Variants in KLF12 observed in about 807,000 individuals in gnomAD.
KLF12 encodes KLF transcription factor 12.
In KLF12, 9 loss-of-function variants were observed where a neutral mutation model predicts 37.8. That is an observed-to-expected ratio of 0.24 (90% CI 0.14 to 0.42). KLF12 has a LOEUF of 0.42. Among genes scored for constraint, KLF12 ranks in the 10% least tolerant of loss-of-function variants. The pLI is 1.00. For synonymous variants in KLF12, 208 were observed against 202.1 expected, an observed-to-expected ratio of 1.03 and a Z score of -0.25; for missense variants, 411 against 516.0, an observed-to-expected ratio of 0.80 and a Z score of 1.97.
At chr13:73,705,521 C>G (rs1033816856) in intron 7 of KLF12, among the ~76,000 whole-genome samples, 1 of 152,210 alleles carries the variant, frequency 6.6e-6, no homozygotes, top group African/African-American at 2.4e-5. Context: ...GATCCTCCCA[C>G]GTCAGCCTCC....
At chr13:73,716,388 T>G (rs935143196) in intron 6 of KLF12, among the ~76,000 whole-genome samples, 2 of 152,212 alleles carry the variant, frequency 1.3e-5, no homozygotes, top group Non-Finnish European at 2.9e-5. Context: ...AAAAAAGCAG[T>G]CACTCATATT....
At chr13:74,138,587 GT>G (rs1407978198), upstream of KLF12, among the ~76,000 whole-genome samples, 11 of 152,292 alleles carry the variant, frequency 7.2e-5, no homozygotes, top group East Asian at 1.9e-3. Context: ...TCGTAACTTT[GT>G]TTTATTGCAA....
At chr13:73,867,615 A>AC (rs986491455) in intron 3 of KLF12, among the ~76,000 whole-genome samples, 2 of 151,522 alleles carry the variant, frequency 1.3e-5, no homozygotes, top group African/African-American at 4.9e-5. Flanking sequence ...GGGGAAAAAA[A>AC]AATTAACAAA....
chr13:73,792,042 T>C (rs1211242892), intron 5 of KLF12, among the ~76,000 whole-genome samples: 2 of 152,224 alleles, frequency 1.3e-5, no homozygotes, highest in Non-Finnish European at 2.9e-5. Flanking sequence ...CATAGTCATA[T>C]AGACACAGGC....
chr13:74,098,919 G>A (rs115703479), intron 1 of KLF12, among the ~76,000 whole-genome samples: 95 of 152,266 alleles, frequency 6.2e-4, no homozygotes, highest in Admixed American at 3.0e-3. Flanking sequence ...TCCCACGCTA[G>A]TATGTTACAT....
intron 4 of KLF12, among the ~76,000 whole-genome samples, chr13:73,815,969 T>C (rs917198766): frequency 6.6e-6 from 1 of 152,238 alleles, no homozygotes; most frequent in Non-Finnish European, 1.5e-5. Flanking sequence ...ATCTTTTTGA[T>C]GTACTTTTCA....
intron 4 of KLF12, among the ~76,000 whole-genome samples, chr13:73,823,232 T>C (rs1444609532): frequency 6.6e-6 from 1 of 151,446 alleles, no homozygotes; most frequent in Non-Finnish European, 1.5e-5. Context: ...TATCACCAAA[T>C]CACAGCCCTA....
At chr13:74,212,374 T>C in the KLF12 span, among the ~76,000 whole-genome samples, 1 of 152,182 alleles carries the variant, frequency 6.6e-6, no homozygotes, top group Non-Finnish European at 1.5e-5. Flanking sequence ...AGCTCTTGAT[T>C]ATGCTGGACA....
intron 3 of KLF12, among the ~76,000 whole-genome samples, chr13:73,942,589 C>T (rs1386276390): frequency 6.6e-6 from 1 of 152,082 alleles, no homozygotes; most frequent in African/African-American, 2.4e-5. Context: ...CTAGAAAATC[C>T]AGTTGAACAC....
At chr13:73,813,309 A>G in intron 4 of KLF12, 22 bp from the exon 5 acceptor site, 1 of 1,612,992 alleles carries the variant, frequency 6.2e-7, no homozygotes, top group Non-Finnish European at 8.5e-7. Context: ...AGGCATATAT[A>G]ATGAATTAAA....
chr13:74,017,201 C>G (rs910186435), intron 1 of KLF12, among the ~76,000 whole-genome samples: 4 of 126,230 alleles, frequency 3.2e-5, no homozygotes, highest in African/African-American at 9.0e-5. Context: ...CTTGAGTGAA[C>G]TACACTTTAG....
At chr13:74,059,761 G>T (rs1466011564) in intron 1 of KLF12, among the ~76,000 whole-genome samples, 1 of 152,110 alleles carries the variant, frequency 6.6e-6, no homozygotes, top group African/African-American at 2.4e-5. Context: ...TTCTTTTGCT[G>T]TGCAGAGGCT....
Position 73,693,739 on chromosome 13 carries a change from T to C in KLF12, c.*1751A>G, listed in dbSNP as rs1255951625. The C allele has an allele frequency of 1.3e-5, 2 of 152,620 alleles. No homozygotes were observed. Among genetic ancestry groups the C allele is most frequent in the Non-Finnish European group, 2.9e-5 (2 of 68,038 alleles). The allele number at this position is 152,620 out of a possible 1,614,324, so 9.5% of individuals were successfully genotyped here. On this transcript the variant is annotated 3_prime_UTR_variant, in exon 8 of 8. Coordinates refer to ENST00000377669, the MANE Select transcript of KLF12 (RefSeq NM_007249.5). ...AAATCAAGTGTTTGTAATTAAAATA[T>C]ATTGCAAAGGTCTTTGTTGGAGACC...
chr13:74,156,578 T>G, the KLF12 span, among the ~76,000 whole-genome samples: 100 of 152,250 alleles, frequency 6.6e-4, no homozygotes, highest in East Asian at 0.017. Context: ...TTCTTTCTAT[T>G]TCTTTTTTGA....
chr13:73,917,824 C>G (rs964879491), intron 3 of KLF12, among the ~76,000 whole-genome samples: 2 of 152,060 alleles, frequency 1.3e-5, no homozygotes, highest in African/African-American at 4.8e-5. Context: ...AGGCCAATGT[C>G]TTGTACATAA....
intron 1 of KLF12, among the ~76,000 whole-genome samples, chr13:74,097,534 T>C (rs1229064699): frequency 6.6e-6 from 1 of 152,266 alleles, no homozygotes; most frequent in East Asian, 1.9e-4. Context: ...TTGTAGGGTA[T>C]ACAACCCTGG....
chr13:73,888,510 TA>T (rs1189281738), intron 3 of KLF12, among the ~76,000 whole-genome samples: 2 of 152,188 alleles, frequency 1.3e-5, no homozygotes, highest in Admixed American at 6.5e-5. Flanking sequence ...CATTGTTTCA[TA>T]AAAACTTTTA....
chr13:74,255,876 C>G, the KLF12 span, among the ~76,000 whole-genome samples: 846 of 152,210 alleles, frequency 5.6e-3, 5 homozygotes, highest in African/African-American at 0.019. Context: ...AGGAATGAGG[C>G]CGGGCACGGT....
the KLF12 span, among the ~76,000 whole-genome samples, chr13:74,206,126 A>G: frequency 3.3e-5 from 5 of 152,314 alleles, no homozygotes; most frequent in East Asian, 9.6e-4. Flanking sequence ...CAACCATGAT[A>G]AAATCTAGGG....
Sources: gnomAD v4.1 joint callset for allele counts (sites outside exome capture counted in the v4.1 genomes callset) on GRCh38, gnomAD v4.1.1 for gene constraint, MANE v1.5 for transcripts, NCBI Gene and HGNC (gene_info 2026-07-23, HGNC 2026-07-21) for gene names.